The following CLEC7A variants were observed in gnomAD, a reference collection of about 807,000 sequenced individuals.
The protein encoded by CLEC7A is C-type lectin domain family 7 member A.
A neutral mutation model predicts 26.9 loss-of-function variants in CLEC7A; 25 were observed. The ratio of observed to expected loss-of-function variants is 0.93; its 90% CI spans 0.68 to 1.30. The LOEUF is 1.30. Among genes scored for constraint, CLEC7A ranks in the 50% most tolerant of loss-of-function variants. CLEC7A has a pLI of 0.00. For synonymous variants in CLEC7A, 100 were observed against 99.5 expected (o/e 1.01, Z -0.03); for missense variants, 275 against 286.7 (o/e 0.96, Z 0.29).
At chr12:10,123,445 G>A in intron 4 of CLEC7A, 82 bp from the exon 5 acceptor site, 1 of 910,062 alleles carries the variant, frequency 1.1e-6, no homozygotes, top group Non-Finnish European at 1.8e-6. Context: ...CTGAGAAAAA[G>A]ACAACTGATT....
rs71860807 is a variant in CLEC7A at position 10,128,207 on chromosome 12, AACACACACAC to A, written c.104-372_104-363del. On this transcript the variant is annotated intron_variant, in intron 1 of 5. Transcript: ENST00000304084. ...AGGCAAAAAAGTGATACCCTGTTAA[AACACACACAC>A]ACACACACACACACACACACACACA... 5.3e-3 allele frequency among the ~76,000 whole-genome samples: 699 copies of A among 132,808 alleles called. 2 individuals carry two copies. The highest frequency in any genetic ancestry group is 8.9e-3 in the East Asian group (42 of 4,710). The allele number at this position is 132,808 out of a possible 152,430, so 87.1% of individuals were successfully genotyped here.
Position 10,125,456 on chromosome 12 carries a change from T to A in CLEC7A, c.341-8A>T. On this transcript the variant is annotated splice_region_variant and splice_polypyrimidine_tract_variant and intron_variant, in intron 3 of 5. Coordinates refer to ENST00000304084, the MANE Select transcript of CLEC7A (RefSeq NM_197947.3). ...AAGGGCTGGAAAGAACCCCTGGAAATAAAAGATTAGTACCATGAGGTTCAT... is the reference window on the plus strand; with the variant it reads ...AAGGGCTGGAAAGAACCCCTGGAAAAAAAAGATTAGTACCATGAGGTTCAT... 6.2e-7 allele frequency: 1 copy of A among 1,608,140 alleles called. No homozygotes were observed.
At position 10,125,310 on chromosome 12, in the gene CLEC7A, C is replaced by G. The variant is rs748327912; in HGVS notation, c.479G>C (p.Ser160Thr). 6.2e-7 allele frequency: 1 copy of G among 1,613,502 alleles called. No homozygotes were observed. The highest frequency in any genetic ancestry group is 8.5e-7 in the Non-Finnish European group (1 of 1,179,804). Residue 160 changes from serine to threonine, a missense_variant, in exon 4 of 6, where the codon AGC becomes ACC. Transcript: ENST00000304084. Reference sequence around the variant, plus strand: ...GTCTACACTTACCAATTCATTTGAGCTGTCTATCTTTAGGAGATTAGAGCC... The same window carrying G: ...GTCTACACTTACCAATTCATTTGAGGTGTCTATCTTTAGGAGATTAGAGCC... ...QLGSNLLKID[S>T]SNELGFIVKQ...
At chr12:10,127,482 T>C in intron 2 of CLEC7A, 1 of 1,602,512 alleles carries the variant, frequency 6.2e-7, no homozygotes, top group Non-Finnish European at 8.5e-7. Context: ...GTTAAGAGTA[T>C]GAGTTTTTTA....
At chr12:10,126,255 C>G (rs1948281199) in intron 3 of CLEC7A, 2 of 980,604 alleles carry the variant, frequency 2.0e-6, no homozygotes, top group Non-Finnish European at 1.2e-6. Flanking sequence ...GGAGAGAACA[C>G]TTTTCTTTTA....
chr12:10,130,272 G>T, upstream of CLEC7A: 1 of 442,776 alleles, frequency 2.3e-6, no homozygotes, highest in South Asian at 3.7e-5. Flanking sequence ...ACTATGCTGT[G>T]GTAATTTTCC....
chr12:10,125,337 A>T lies in CLEC7A; in HGVS notation c.452T>A (p.Leu151Gln). Residue 151 changes from leucine to glutamine, a missense_variant, in exon 4 of 6, where the codon CTG becomes CAG. Physicochemically the swap from Leu to Gln is moderately radical, Grantham distance 113 (BLOSUM62 -2). Coordinates refer to ENST00000304084, the MANE Select transcript of CLEC7A (RefSeq NM_197947.3). ...WDGSKRQCWQ[L>Q]GSNLLKIDSS... ...GTCTATCTTTAGGAGATTAGAGCCC[A>T]GTTGCCAGCATTGTCTTTTACTTCC... 6.2e-7 allele frequency: 1 copy of T among 1,613,864 alleles called. No individual in the cohort carries two copies. The highest frequency in any genetic ancestry group is 8.5e-7 in the Non-Finnish European group (1 of 1,179,934).
chr12:10,128,585 C>CT (rs759730471), intron 1 of CLEC7A, among the ~76,000 whole-genome samples: 1 of 152,106 alleles, frequency 6.6e-6, no homozygotes, highest in Non-Finnish European at 1.5e-5. Context: ...AAATTACTCC[C>CT]TTTGTTGTTT....
intron 5 of CLEC7A, among the ~76,000 whole-genome samples, chr12:10,120,021 A>G (rs940201514): frequency 6.6e-6 from 1 of 152,174 alleles, no homozygotes; most frequent in Non-Finnish European, 1.5e-5. Flanking sequence ...AAATTATAAA[A>G]CTGAAAATGT....
intron 2 of CLEC7A, chr12:10,127,029 A>G: frequency 7.2e-7 from 1 of 1,396,296 alleles, no homozygotes. Flanking sequence ...TGAAATAGCA[A>G]CATCTTTCAC....
At chr12:10,119,050 A>T (rs1283279043) in intron 5 of CLEC7A, among the ~76,000 whole-genome samples, 1 of 152,244 alleles carries the variant, frequency 6.6e-6, no homozygotes, top group East Asian at 1.9e-4. Context: ...GGCCATTTAA[A>T]GGCAGGGCAA....
chr12:10,122,371 T>C (rs1449597367), intron 5 of CLEC7A, among the ~76,000 whole-genome samples: 1 of 152,212 alleles, frequency 6.6e-6, no homozygotes, highest in Non-Finnish European at 1.5e-5. Context: ...TGTGGTTGCT[T>C]TTTAACTTAA....
chr12:10,126,833 A>T, intron 2 of CLEC7A, 125 bp from the exon 3 acceptor site: 1 of 781,974 alleles, frequency 1.3e-6, no homozygotes, highest in Non-Finnish European at 2.0e-6. Context: ...TGATAAATAG[A>T]TGATATATTG....
intron 1 of CLEC7A, 106 bp from the exon 2 acceptor site, chr12:10,127,951 A>C: frequency 1.4e-6 from 1 of 736,680 alleles, no homozygotes; most frequent in Non-Finnish European, 2.2e-6. Flanking sequence ...ACGGTGGCTC[A>C]CACCTGTAAT....
intron 5 of CLEC7A, among the ~76,000 whole-genome samples, chr12:10,122,946 T>G (rs1948142361): frequency 6.6e-6 from 1 of 152,164 alleles, no homozygotes; most frequent in Admixed American, 6.6e-5. Flanking sequence ...TTACACTGAC[T>G]GACAGTGACT....
At chr12:10,127,908 T>A in intron 1 of CLEC7A, 63 bp from the exon 2 acceptor site, 2 of 1,149,470 alleles carry the variant, frequency 1.7e-6, no homozygotes, top group East Asian at 2.6e-5. Context: ...TGGGGCAGTT[T>A]AATTCTACAG....
chr12:10,121,002 G>A (rs911760099), intron 5 of CLEC7A, among the ~76,000 whole-genome samples: 1 of 150,610 alleles, frequency 6.6e-6, no homozygotes, highest in Admixed American at 6.6e-5. Flanking sequence ...GTTGCAGTAG[G>A]CCAAGATTGC....
chr12:10,123,402 G>C, intron 4 of CLEC7A, 39 bp from the exon 5 acceptor site: 1 of 1,111,492 alleles, frequency 9.0e-7, no homozygotes. Context: ...TAAAGAGAGA[G>C]AGAGAGAGAG....
intron 2 of CLEC7A, chr12:10,127,073 G>C: frequency 7.2e-7 from 1 of 1,392,104 alleles, no homozygotes; most frequent in South Asian, 1.2e-5. Flanking sequence ...AGAGATCCTT[G>C]AGAAACTGCC....
Sources: gnomAD v4.1 joint callset for allele counts (sites outside exome capture counted in the v4.1 genomes callset) on GRCh38, gnomAD v4.1.1 for gene constraint, MANE v1.5 for transcripts, NCBI Gene and HGNC (gene_info 2026-07-23, HGNC 2026-07-21) for gene names.